The following NUDT12 variants were observed in gnomAD, a reference collection of about 807,000 sequenced individuals.
NUDT12 encodes NAD-capped RNA hydrolase NUDT12.
In NUDT12, 42 loss-of-function variants were observed where a neutral mutation model predicts 45.7. The ratio of observed to expected loss-of-function variants is 0.92; its 90% CI spans 0.72 to 1.19. The LOEUF is 1.19. NUDT12 is among the 50% of genes most tolerant of loss of function. NUDT12 has a pLI of 0.00. For synonymous variants in NUDT12, 206 were observed against 179.7 expected, an observed-to-expected ratio of 1.15 and a Z score of -1.17; for missense variants, 590 against 533.1, an observed-to-expected ratio of 1.11 and a Z score of -1.05.
intron 3 of NUDT12, 120 bp downstream of exon 3, chr5:103,558,759 G>A: frequency 1.5e-6 from 1 of 654,108 alleles, no homozygotes; most frequent in Non-Finnish European, 2.6e-6. Flanking sequence ...TTCTGATGAA[G>A]ACAGTCTAAT....
At chr5:103,553,249 A>G (rs967183586) in intron 5 of NUDT12, among the ~76,000 whole-genome samples, 13 of 152,118 alleles carry the variant, frequency 8.5e-5, no homozygotes, top group Admixed American at 1.3e-4. Flanking sequence ...ATAACTAACA[A>G]AAGATTAGCA....
intron 3 of NUDT12, among the ~76,000 whole-genome samples, chr5:103,556,441 A>G (rs890934356): frequency 1.3e-5 from 2 of 152,074 alleles, no homozygotes; most frequent in African/African-American, 4.8e-5. Context: ...TGATTTTACA[A>G]TAGTGATTTT....
At position 103,549,034 on chromosome 5, in the gene NUDT12, T is replaced by C. The variant is rs1331106208; in HGVS notation, c.*1827A>G. ...TAATAATTTACCTAGATGCTGATTT[T>C]TTCCCAAGTAAGGATTAAATATCCA... On this transcript the variant is annotated 3_prime_UTR_variant, in exon 7 of 7. Coordinates refer to ENST00000230792, the MANE Select transcript of NUDT12 (RefSeq NM_031438.4). The C allele has an allele frequency of 2.0e-5, 3 of 152,158 alleles. No individual in the cohort carries two copies. Among genetic ancestry groups the C allele is most frequent in the African/African-American group, 7.2e-5 (3 of 41,458 alleles). 9.4% of individuals were successfully genotyped at this position (152,158 alleles called of 1,614,324 possible). A position where few individuals can be genotyped will look rare whatever the true frequency, so the allele number is the denominator to read the frequency against.
intron 6 of NUDT12, among the ~76,000 whole-genome samples, chr5:103,551,314 A>G (rs974495633): frequency 3.9e-5 from 6 of 151,996 alleles, no homozygotes; most frequent in Non-Finnish European, 8.8e-5. Context: ...GGGTCTCCCT[A>G]TGTTGCCCAG....
chr5:103,559,880 T>C, intron 2 of NUDT12, 163 bp downstream of exon 2: 1 of 564,754 alleles, frequency 1.8e-6, no homozygotes, highest in Non-Finnish European at 3.1e-6. Flanking sequence ...GGTTACAAAG[T>C]TTTAAGTTAG....
At chr5:103,562,135 A>G (rs1197577342) in intron 1 of NUDT12, among the ~76,000 whole-genome samples, 2 of 152,206 alleles carry the variant, frequency 1.3e-5, no homozygotes, top group East Asian at 3.9e-4. Flanking sequence ...GAAATCATTT[A>G]AAAGAATATT....
rs757450414 is a variant in NUDT12 at position 103,552,223 on chromosome 5, T to A, written c.1272A>T (p.Arg424Ser). ...AAATTAAATTGAACTTTACCTGTTC[T>A]CTAGTGAACCAGCGGGCATCCTCTA... ...NEIEDARWFT[R>S]EQVLDVLTKG... Residue 424 changes from arginine to serine, a missense_variant, in exon 6 of 7, where the codon AGA becomes AGT. Physicochemically the swap from Arg to Ser is moderately radical, Grantham distance 110. Transcript: ENST00000230792. The A allele has an allele frequency of 6.2e-7, 1 of 1,612,154 alleles. No individual in the cohort carries two copies. The highest frequency in any genetic ancestry group is 8.5e-7 in the Non-Finnish European group (1 of 1,178,332).
chr5:103,560,171 G>A lies in NUDT12; in HGVS notation c.78C>T (p.Ala26=), dbSNP rs1748987152. ...FHCSAAEGDI[A]KLTGILSHSP... is the part of the protein sequence containing the mutation. ...AATGACTGAGTATTCCTGTTAACTT[G>A]GCAATATCTCCTTCAGCAGCTGAAC... The change falls in exon 2 of 7, where the codon GCC becomes GCT. Residue 26 remains alanine (A), a synonymous_variant. Transcript: ENST00000230792. 6.2e-7 allele frequency: 1 copy of A among 1,613,544 alleles called. No individual in the cohort carries two copies. The highest frequency in any genetic ancestry group is 8.5e-7 in the Non-Finnish European group (1 of 1,179,606).
intron 5 of NUDT12, among the ~76,000 whole-genome samples, chr5:103,553,123 GCTTT>G (rs1408343449): frequency 8.6e-5 from 13 of 151,834 alleles, no homozygotes; most frequent in Non-Finnish European, 1.0e-4. Context: ...TTTAAATATA[GCTTT>G]CTATTTCAAA....
intron 2 of NUDT12, 198 bp from the exon 3 acceptor site, chr5:103,559,666 G>A (rs1036572643): frequency 4.5e-6 from 2 of 445,520 alleles, no homozygotes; most frequent in African/African-American, 4.1e-5. Context: ...AAAGTTAAGA[G>A]ACAGTGGATA....
In NUDT12 at chr5:103,549,400, A is replaced by G. The variant is rs1748583818; in HGVS notation, c.*1461T>C. On this transcript the variant is annotated 3_prime_UTR_variant, in exon 7 of 7. Coordinates refer to ENST00000230792, the MANE Select transcript of NUDT12 (RefSeq NM_031438.4). ...CTGACAGTTATCTTTTATTTAAGTTAAATAAATGTTAAGTATCTAAAATTT... is the reference window on the plus strand; with the variant it reads ...CTGACAGTTATCTTTTATTTAAGTTGAATAAATGTTAAGTATCTAAAATTT... 1 of 152,106 alleles carries G rather than the reference A, an allele frequency of 6.6e-6. No homozygotes were observed. Among genetic ancestry groups the G allele is most frequent in the African/African-American group, 2.4e-5 (1 of 41,570 alleles). 9.4% of individuals were successfully genotyped at this position (152,106 alleles called of 1,614,324 possible). A position where few individuals can be genotyped will look rare whatever the true frequency, so the allele number is the denominator to read the frequency against.
chr5:103,560,206 G>C lies in NUDT12; in HGVS notation c.43C>G (p.Gln15Glu). 6.2e-7 allele frequency: 1 copy of C among 1,613,836 alleles called. No individual in the cohort carries two copies. The highest frequency in any genetic ancestry group is 8.5e-7 in the Non-Finnish European group (1 of 1,179,752). The change falls in exon 2 of 7, where the codon CAG becomes GAG. Residue 15 changes from glutamine (Q) to glutamate (E), a missense_variant. Physicochemically the swap from Gln to Glu is conservative, Grantham distance 29. Transcript: ENST00000230792. ...KRSLKQEIVT[Q>E]FHCSAAEGDI... ...CCTTCAGCAGCTGAACAGTGAAACTGAGTAACTATTTCTTGCTTCAGACTT... is the reference window on the plus strand; with the variant it reads ...CCTTCAGCAGCTGAACAGTGAAACTCAGTAACTATTTCTTGCTTCAGACTT...
intron 5 of NUDT12, chr5:103,554,365 G>GA (rs1748746011): frequency 6.5e-6 from 1 of 154,784 alleles, no homozygotes; most frequent in South Asian, 2.0e-4. Flanking sequence ...TAGGGATTGT[G>GA]AATGCAGGGT....
In NUDT12 at chr5:103,559,114, A is replaced by G. The variant is rs775782438; in HGVS notation, c.561T>C (p.Tyr187=). 1 of 1,606,958 alleles carries G rather than the reference A, an allele frequency of 6.2e-7. No homozygotes were observed. The highest frequency in any genetic ancestry group is 8.5e-7 in the Non-Finnish European group (1 of 1,176,916). Residue 187 remains tyrosine, a synonymous_variant, in exon 3 of 7, where the codon TAT becomes TAC. Coordinates refer to ENST00000230792, the MANE Select transcript of NUDT12 (RefSeq NM_031438.4). The part of the protein sequence containing the change: ...CQLNYTDIKD[Y]LAQPEKITLI... ...AGGTGATCTTCTCAGGCTGGGCCAAATAATCCTTTATATCTGTGTAGTTCA... is the reference window on the plus strand; with the variant it reads ...AGGTGATCTTCTCAGGCTGGGCCAAGTAATCCTTTATATCTGTGTAGTTCA...
chr5:103,559,604 T>C (rs998780691), intron 2 of NUDT12, 136 bp from the exon 3 acceptor site: 2 of 501,878 alleles, frequency 4.0e-6, no homozygotes, highest in Non-Finnish European at 6.6e-6. Flanking sequence ...TTTTTTTCTT[T>C]TGTTACATAG....
rs1393467665 is a variant in NUDT12 at position 103,560,086 on chromosome 5, T to C, written c.163A>G (p.Arg55Gly). The C allele has an allele frequency of 6.2e-7, 1 of 1,613,932 alleles. No individual in the cohort carries two copies. Among genetic ancestry groups the C allele is most frequent in the Non-Finnish European group, 8.5e-7 (1 of 1,179,920 alleles). Residue 55 changes from arginine to glycine, a missense_variant, in exon 2 of 7, where the codon AGG (arginine) becomes GGG (glycine). Arg to Gly is a moderately radical substitution (Grantham distance 125, BLOSUM62 -2). Coordinates refer to ENST00000230792, the MANE Select transcript of NUDT12 (RefSeq NM_031438.4). ...NGWTALMYAA[R>G]NGHPEIVQFL... The stretch of plus-strand genomic sequence containing the variant: ...TGGACTATCTCTGGGTGCCCATTCC[T>C]TGCCGCATACATTAAAGCAGTCCAG...
intron 1 of NUDT12, among the ~76,000 whole-genome samples, chr5:103,560,643 G>A (rs1202183512): frequency 6.6e-6 from 1 of 152,114 alleles, no homozygotes; most frequent in Non-Finnish European, 1.5e-5. Context: ...TAAAGGCAGA[G>A]ACTTTATAAG....
At position 103,560,158 on chromosome 5, in the gene NUDT12, T is replaced by C; in HGVS notation, c.91A>G (p.Ile31Val). 1 of 1,613,670 alleles carries C rather than the reference T, an allele frequency of 6.2e-7. No homozygotes were observed. The highest frequency in any genetic ancestry group is 1.1e-5 in the South Asian group (1 of 91,062). The change falls in exon 2 of 7, where the codon ATA becomes GTA. Residue 31 changes from isoleucine (I) to valine (V), a missense_variant. By Grantham distance (29) the Ile-to-Val change is conservative. Transcript: ENST00000230792. ...AEGDIAKLTG[I>V]LSHSPSLLNE... ...AGAAGAGATGGAGAATGACTGAGTA[T>C]TCCTGTTAACTTGGCAATATCTCCT...
chr5:103,552,754 T>C (rs1242056280), intron 5 of NUDT12, among the ~76,000 whole-genome samples: 2 of 152,162 alleles, frequency 1.3e-5, no homozygotes, highest in Non-Finnish European at 2.9e-5. Context: ...CATGTATATA[T>C]TGTCCACGAA....
Sources: gnomAD v4.1 joint callset for allele counts (sites outside exome capture counted in the v4.1 genomes callset) on GRCh38, gnomAD v4.1.1 for gene constraint, MANE v1.5 for transcripts, NCBI Gene and HGNC (gene_info 2026-07-23, HGNC 2026-07-21) for gene names.